SH3BGRL2: variants seen among roughly 807,000 people sequenced by gnomAD.
SH3BGRL2 encodes the protein SH3 domain binding glutamate rich protein like 2, also known as SH3 domain-binding glutamic acid-rich-like protein 2.
SH3BGRL2 carries 21 observed loss-of-function variants against 14.8 expected under a neutral mutation model. The observed-to-expected ratio is 1.42, with a 90% CI of 1.01 to 2.05. The LOEUF is 2.05. Among genes scored for constraint, SH3BGRL2 ranks in the 30% most tolerant of loss-of-function variants. The pLI is 0.00. For synonymous variants in SH3BGRL2, 50 were observed against 47.8 expected, an observed-to-expected ratio of 1.05 and a Z score of -0.19; for missense variants, 147 against 130.8, an observed-to-expected ratio of 1.12 and a Z score of -0.61.
At position 79,631,455 on chromosome 6, in the gene SH3BGRL2, C is replaced by T; in HGVS notation, c.-7C>T. ...GGCAAGGGGTCTGTCCCGGGCGCAG[C>T]GAGAGGATGGTCATCCGCGTGTTCA... On this transcript the variant is annotated 5_prime_UTR_variant, in exon 1 of 4. Transcript: ENST00000369838. The T allele has an allele frequency of 6.6e-7, 1 of 1,518,428 alleles. No individual in the cohort carries two copies. 94.1% of individuals were successfully genotyped at this position (1,518,428 alleles called of 1,614,324 possible). A position where few individuals can be genotyped will look rare whatever the true frequency, so the allele number is the denominator to read the frequency against.
the SH3BGRL2 span, chr6:79,575,140 C>T: frequency 2.6e-5 from 4 of 152,212 alleles, no homozygotes; most frequent in African/African-American, 7.2e-5. Context: ...ACAGCCATCT[C>T]TCATCAACCA....
At chr6:79,547,126 A>AAACCACTG in the SH3BGRL2 span, among the ~76,000 whole-genome samples, 1 of 152,146 alleles carries the variant, frequency 6.6e-6, no homozygotes, top group South Asian at 2.1e-4. Flanking sequence ...GGGAGTAGGA[A>AAACCACTG]AACCACTGTC....
chr6:79,696,584 A>G lies in SH3BGRL2; in HGVS notation c.312+19A>G, dbSNP rs368789961. On this transcript the variant is annotated intron_variant, in intron 3 of 3. Transcript: ENST00000369838. The stretch of plus-strand genomic sequence containing the variant: ...ATCAAAGGTAGGTAAATCTTTTCTT[A>G]TTCTTGTTTTAGAATTCATCTCTTT... 2.6e-6 allele frequency: 4 copies of G among 1,521,284 alleles called. No individual in the cohort carries two copies. Among genetic ancestry groups the G allele is most frequent in the Non-Finnish European group, 3.5e-6 (4 of 1,130,184 alleles). The allele number at this position is 1,521,284 out of a possible 1,614,324, so 94.2% of individuals were successfully genotyped here.
At position 79,700,683 on chromosome 6, in the gene SH3BGRL2, T is replaced by C. The variant is rs2127741121; in HGVS notation, c.*1174T>C. ...TGAGAAAGAGAGTAACCCGGAATTG[T>C]ACTTGTCAAGCAAAATCTATACTCC... On this transcript the variant is annotated 3_prime_UTR_variant, in exon 4 of 4. Coordinates refer to ENST00000369838, the MANE Select transcript of SH3BGRL2 (RefSeq NM_031469.4). The C allele has an allele frequency of 6.6e-6, 1 of 152,332 alleles. No homozygotes were observed. The highest frequency in any genetic ancestry group is 1.9e-4 in the East Asian group (1 of 5,178). 9.4% of individuals were successfully genotyped at this position (152,332 alleles called of 1,614,324 possible).
At chr6:79,686,349 A>T (rs1770089877) in intron 2 of SH3BGRL2, among the ~76,000 whole-genome samples, 1 of 149,770 alleles carries the variant, frequency 6.7e-6, no homozygotes, top group African/African-American at 2.5e-5. Flanking sequence ...TTTCCTTTTC[A>T]TCTTCAGGAT....
chr6:79,655,850 A>C (rs1769399620), intron 1 of SH3BGRL2, among the ~76,000 whole-genome samples: 1 of 151,934 alleles, frequency 6.6e-6, no homozygotes, highest in African/African-American at 2.4e-5. Flanking sequence ...TGAATCTGAA[A>C]CTCTGGGGGC....
At chr6:79,642,043 C>T (rs2127724107) in intron 1 of SH3BGRL2, among the ~76,000 whole-genome samples, 1 of 152,218 alleles carries the variant, frequency 6.6e-6, no homozygotes, top group South Asian at 2.1e-4. Context: ...TTTTCACTCC[C>T]TATAAAGTGC....
At chr6:79,564,245 A>G in the SH3BGRL2 span, among the ~76,000 whole-genome samples, 3 of 152,182 alleles carry the variant, frequency 2.0e-5, no homozygotes, top group African/African-American at 7.2e-5. Context: ...GCTGAATATC[A>G]GAAAGTAGTG....
rs529408727 is a variant in SH3BGRL2 at position 79,643,567 on chromosome 6, G to A, written c.45+12061G>A. Among the ~76,000 whole-genome samples, 5 of 152,280 alleles carry A rather than the reference G, an allele frequency of 3.3e-5. No homozygotes were observed. The East Asian group carries it at 5.8e-4, about 18-fold the overall frequency. ...ATTTAAAATTGAAAACTAATATTTC[G>A]TGATAATAATAATGAGTACCATTCA... On this transcript the variant is annotated intron_variant, in intron 1 of 3. Transcript: ENST00000369838.
intron 2 of SH3BGRL2, among the ~76,000 whole-genome samples, chr6:79,676,605 A>ATGTGTGTGTGTGTG (rs58234438): frequency 1.5e-4 from 21 of 139,768 alleles, no homozygotes; most frequent in African/African-American, 4.8e-4. Flanking sequence ...GTCTTTATGT[A>ATGTGTGTGTGTGTG]TGTGTGTGTG....
At chr6:79,545,398 C>T in the SH3BGRL2 span, among the ~76,000 whole-genome samples, 1 of 152,120 alleles carries the variant, frequency 6.6e-6, no homozygotes, top group Non-Finnish European at 1.5e-5. Flanking sequence ...GGTGACTTTT[C>T]CCAGTACTTT....
At chr6:79,551,449 A>G in the SH3BGRL2 span, among the ~76,000 whole-genome samples, 1 of 152,290 alleles carries the variant, frequency 6.6e-6, no homozygotes, top group Non-Finnish European at 1.5e-5. Flanking sequence ...AGAATATCAG[A>G]AAAATTTTTT....
the SH3BGRL2 span, among the ~76,000 whole-genome samples, chr6:79,601,961 C>T: frequency 6.6e-6 from 1 of 152,016 alleles, no homozygotes; most frequent in East Asian, 1.9e-4. Flanking sequence ...AACAAATATG[C>T]TAGCTTAGTA....
the SH3BGRL2 span, among the ~76,000 whole-genome samples, chr6:79,578,286 G>A: frequency 1.3e-5 from 2 of 152,234 alleles, no homozygotes; most frequent in African/African-American, 4.8e-5. Flanking sequence ...CTCTCAGCAT[G>A]ATGTTTGAGC....
upstream of SH3BGRL2, among the ~76,000 whole-genome samples, chr6:79,627,180 C>T (rs898129738): frequency 6.6e-6 from 1 of 152,162 alleles, no homozygotes; most frequent in Non-Finnish European, 1.5e-5. Context: ...CAGCCTCATA[C>T]CATCCCCCTT....
intron 2 of SH3BGRL2, among the ~76,000 whole-genome samples, chr6:79,674,276 C>T (rs1270806075): frequency 6.6e-6 from 1 of 151,944 alleles, no homozygotes; most frequent in East Asian, 1.9e-4. Flanking sequence ...AATAGCTAAT[C>T]GTAAACCAGA....
the SH3BGRL2 span, among the ~76,000 whole-genome samples, chr6:79,604,567 G>T: frequency 6.6e-6 from 1 of 152,100 alleles, no homozygotes; most frequent in African/African-American, 2.4e-5. Context: ...CATCTTCCTG[G>T]GGGCAGTACC....
At chr6:79,553,875 G>A in the SH3BGRL2 span, among the ~76,000 whole-genome samples, 209 of 152,060 alleles carry the variant, frequency 1.4e-3, 5 homozygotes, top group African/African-American at 4.8e-3. Flanking sequence ...GACTGAGGCA[G>A]GAGAATCGCT....
chr6:79,634,628 G>A (rs1192524477), intron 1 of SH3BGRL2, among the ~76,000 whole-genome samples: 2 of 152,108 alleles, frequency 1.3e-5, no homozygotes, highest in East Asian at 3.9e-4. Context: ...CTAAGAGTCT[G>A]CTGCTTGCCT....
Sources: allele counts gnomAD v4.1 joint callset (sites outside exome capture counted in the v4.1 genomes callset), GRCh38; gene constraint gnomAD v4.1.1; transcripts MANE v1.5; gene names NCBI Gene and HGNC (gene_info 2026-07-23, HGNC 2026-07-21).